Variants in CD200R1L observed in about 807,000 individuals in gnomAD.
The protein encoded by CD200R1L is CD200 receptor 1 like.
CD200R1L carries 14 observed loss-of-function variants against 24.8 expected under a neutral mutation model. That is an observed-to-expected ratio of 0.56 (90% CI 0.37 to 0.88). CD200R1L has a LOEUF of 0.88. Ranked by LOEUF, CD200R1L falls within the 40% of genes least tolerant of loss-of-function variation. CD200R1L has a pLI of 0.00. For synonymous variants in CD200R1L, 111 were observed against 109.2 expected, an observed-to-expected ratio of 1.02 and a Z score of -0.11; for missense variants, 299 against 297.8, an observed-to-expected ratio of 1.00 and a Z score of -0.03.
chr3:112,815,806 G>A lies in CD200R1L; in HGVS notation c.*157C>T. ...GAAACTTCATGGTCATCAAGCCCAG[G>A]ATCCTTCTTCCATCTTTCTTTTCTT... On this transcript the variant is annotated 3_prime_UTR_variant, in exon 8 of 8. Transcript: ENST00000488794. 1 of 615,740 alleles carries A rather than the reference G, an allele frequency of 1.6e-6. No homozygotes were observed. The highest frequency in any genetic ancestry group is 3.0e-6 in the Non-Finnish European group (1 of 337,964). The allele number at this position is 615,740 out of a possible 1,614,324, so 38.1% of individuals were successfully genotyped here. A position where few individuals can be genotyped will look rare whatever the true frequency, so the allele number is the denominator to read the frequency against.
intron 7 of CD200R1L, among the ~76,000 whole-genome samples, chr3:112,819,043 C>A (rs1938466973): frequency 6.6e-6 from 1 of 152,188 alleles, no homozygotes; most frequent in African/African-American, 2.4e-5. Flanking sequence ...GAAGGGGAAG[C>A]AAGGCATGTC....
chr3:112,846,133 T>A (rs1418822487), intron 1 of CD200R1L, among the ~76,000 whole-genome samples, 183 bp from the exon 2 acceptor site: 1 of 152,248 alleles, frequency 6.6e-6, no homozygotes, highest in Non-Finnish European at 1.5e-5. Context: ...ATATATGCGC[T>A]TATCTAATTA....
chr3:112,819,912 G>A lies in CD200R1L; in HGVS notation c.617-17C>T. 6.4e-6 allele frequency: 10 copies of A among 1,552,532 alleles called. No individual in the cohort carries two copies. Among genetic ancestry groups the A allele is most frequent in the Non-Finnish European group, 8.6e-6 (10 of 1,156,820 alleles). ...TTCTGAGACCTTTAAATACAGACAG[G>A]GGTGAAAAATCATTTCAAGCATTCT... On this transcript the variant is annotated splice_polypyrimidine_tract_variant and intron_variant, in intron 6 of 7. Transcript: ENST00000488794.
At position 112,830,226 on chromosome 3, in the gene CD200R1L, C is replaced by T. The variant is rs1315125267; in HGVS notation, c.-17-842G>A. On this transcript the variant is annotated intron_variant, in intron 3 of 7. Transcript: ENST00000488794. ...TGCTACAATATATGATGTTCCTTTC[C>T]TAACACTTGGTATGGTTAGGATTAG... Among the ~76,000 whole-genome samples, 3 of 152,170 alleles carry T rather than the reference C, an allele frequency of 2.0e-5. No homozygotes were observed. In the East Asian group the frequency reaches 5.8e-4, roughly 29 times the overall value.
chr3:112,841,227 A>G (rs1380463502), intron 2 of CD200R1L: 1 of 436,538 alleles, frequency 2.3e-6, no homozygotes, highest in Non-Finnish European at 4.6e-6. Context: ...CTTGTTTAAA[A>G]GTGTGTAGCA....
Position 112,837,944 on chromosome 3 carries a change from T to G in CD200R1L, c.-20A>C. 1 of 1,210,648 alleles carries G rather than the reference T, an allele frequency of 8.3e-7. No individual in the cohort carries two copies. The highest frequency in any genetic ancestry group is 1.1e-6 in the Non-Finnish European group (1 of 950,850). 75.0% of individuals were successfully genotyped at this position (1,210,648 alleles called of 1,614,324 possible). Reference sequence around the variant, plus strand: ...TATTAAGTAAGTGAGCATTTTACCTTCATTAAGACGTATTCTCTAACTTTG... The same window carrying G: ...TATTAAGTAAGTGAGCATTTTACCTGCATTAAGACGTATTCTCTAACTTTG... On this transcript the variant is annotated splice_region_variant and 5_prime_UTR_variant, in exon 3 of 8. Coordinates refer to ENST00000488794, the MANE Select transcript of CD200R1L (RefSeq NM_001199215.3).
intron 3 of CD200R1L, among the ~76,000 whole-genome samples, chr3:112,837,699 A>G (rs997106188): frequency 3.3e-5 from 5 of 151,820 alleles, no homozygotes; most frequent in African/African-American, 1.2e-4. Flanking sequence ...TATGTAGACT[A>G]CTTGAAGGTG....
intron 6 of CD200R1L, 59 bp from the exon 7 acceptor site, chr3:112,819,954 A>G: frequency 6.9e-7 from 1 of 1,453,236 alleles, no homozygotes. Context: ...TACAAATTAG[A>G]GTCAATCATT....
Position 112,827,151 on chromosome 3 carries a change from A to T in CD200R1L, c.458T>A (p.Ile153Asn), listed in dbSNP as rs769254542. 6.2e-7 allele frequency: 1 copy of T among 1,613,598 alleles called. No individual in the cohort carries two copies. Among genetic ancestry groups the T allele is most frequent in the East Asian group, 2.2e-5 (1 of 44,878 alleles). The change falls in exon 6 of 8, where the codon ATC becomes AAC. Residue 153 changes from isoleucine to asparagine, a missense_variant. Ile to Asn is a moderately radical substitution (Grantham distance 149). Coordinates refer to ENST00000488794, the MANE Select transcript of CD200R1L (RefSeq NM_001199215.3). Reference sequence around the variant, plus strand: ...AGTGGCAAGAATAGATCCCTCTGGGATCCAGGAGATCTGGGCAGCTGGCTT... The same window carrying T: ...AGTGGCAAGAATAGATCCCTCTGGGTTCCAGGAGATCTGGGCAGCTGGCTT... ...TGKPAAQISW[I>N]PEGSILATKQ...
chr3:112,817,888 G>A (rs1343309023), intron 7 of CD200R1L, among the ~76,000 whole-genome samples: 2 of 152,206 alleles, frequency 1.3e-5, no homozygotes, highest in Admixed American at 6.5e-5. Flanking sequence ...CCACATGGCT[G>A]GGGAGGCCCC....
chr3:112,815,780 G>C lies in CD200R1L; in HGVS notation c.*183C>G. ...TGAATAGGTGGTTGAGGGTTTATAG[G>C]GAAACTTCATGGTCATCAAGCCCAG... is the stretch of plus-strand genomic sequence containing the variant. On this transcript the variant is annotated 3_prime_UTR_variant, in exon 8 of 8. Coordinates refer to ENST00000488794, the MANE Select transcript of CD200R1L (RefSeq NM_001199215.3). The C allele has an allele frequency of 1.7e-6, 1 of 573,062 alleles. No individual in the cohort carries two copies. The highest frequency in any genetic ancestry group is 3.2e-6 in the Non-Finnish European group (1 of 315,378). 35.5% of individuals were successfully genotyped at this position (573,062 alleles called of 1,614,324 possible).
chr3:112,826,443 A>G (rs1013650347), intron 6 of CD200R1L, among the ~76,000 whole-genome samples: 1 of 152,186 alleles, frequency 6.6e-6, no homozygotes, highest in Admixed American at 6.5e-5. Context: ...GCTGGTGAAC[A>G]AAAAGCCATG....
intron 3 of CD200R1L, among the ~76,000 whole-genome samples, chr3:112,837,421 C>G (rs747847129): frequency 2.6e-5 from 4 of 152,162 alleles, no homozygotes; most frequent in Non-Finnish European, 4.4e-5. Context: ...TTTCCAGGCT[C>G]TGCTCTCACT....
chr3:112,836,733 AC>A (rs1453813016), intron 3 of CD200R1L, among the ~76,000 whole-genome samples: 1 of 152,242 alleles, frequency 6.6e-6, no homozygotes, highest in Non-Finnish European at 1.5e-5. Context: ...CAACTATTTT[AC>A]ATTCCTAAAA....
chr3:112,817,090 C>T (rs949205163), intron 7 of CD200R1L, among the ~76,000 whole-genome samples: 1 of 151,938 alleles, frequency 6.6e-6, no homozygotes, highest in East Asian at 1.9e-4. Flanking sequence ...ATCTCTGCCG[C>T]AGTGTAGTAT....
At chr3:112,824,965 C>T (rs1003777054) in intron 6 of CD200R1L, among the ~76,000 whole-genome samples, 2 of 152,072 alleles carry the variant, frequency 1.3e-5, no homozygotes, top group African/African-American at 4.8e-5. Context: ...AGGCCGGGCA[C>T]GGTGGCTCAC....
intron 2 of CD200R1L, among the ~76,000 whole-genome samples, chr3:112,845,120 C>A (rs1209225026): frequency 1.3e-5 from 2 of 151,502 alleles, no homozygotes; most frequent in Non-Finnish European, 2.9e-5. Context: ...AAAAGACAAA[C>A]AAGGTCAATA....
chr3:112,832,072 A>C (rs1327899903), intron 3 of CD200R1L, among the ~76,000 whole-genome samples: 3 of 152,182 alleles, frequency 2.0e-5, no homozygotes, highest in South Asian at 2.1e-4. Context: ...TGAAAACCAC[A>C]CTTTGAGAAC....
rs971986391 is a variant in CD200R1L, at chr3:112,815,842, G to T, written c.*121C>A. The T allele has an allele frequency of 9.9e-6, 7 of 708,366 alleles. No homozygotes were observed. The East Asian group carries it at 1.2e-4, about 13-fold the overall frequency. The allele number at this position is 708,366 out of a possible 1,614,324, so 43.9% of individuals were successfully genotyped here. A position where few individuals can be genotyped will look rare whatever the true frequency, so the allele number is the denominator to read the frequency against. ...CATCTTTCTTTTCTTCTATCCTACT[G>T]AGTGGCTTCTATCCTTAACATCATC... On this transcript the variant is annotated 3_prime_UTR_variant, in exon 8 of 8. Coordinates refer to ENST00000488794, the MANE Select transcript of CD200R1L (RefSeq NM_001199215.3).
Sources: allele counts gnomAD v4.1 joint callset (sites outside exome capture counted in the v4.1 genomes callset), GRCh38; gene constraint gnomAD v4.1.1; transcripts MANE v1.5; gene names NCBI Gene and HGNC (gene_info 2026-07-23, HGNC 2026-07-21).